GRM1: variants seen among roughly 807,000 people sequenced by gnomAD.
GRM1 encodes metabotropic glutamate receptor 1.
Under a neutral mutation model 90.9 loss-of-function variants are expected in GRM1, and 33 were observed. The observed-to-expected ratio is 0.36, with a 90% confidence interval of 0.28 to 0.49. GRM1 has a LOEUF of 0.49. Ranked by LOEUF, GRM1 falls within the 20% of genes least tolerant of loss-of-function variation. The pLI is 0.99. For synonymous variants in GRM1, 700 were observed against 613.2 expected (o/e 1.14, Z -2.09); for missense variants, 1,190 against 1,534.3 (o/e 0.78, Z 3.75).
At position 146,434,221 on chromosome 6, in the gene GRM1, C is replaced by T. The variant is rs780361421; in HGVS notation, c.3010C>T (p.Leu1004=). ...GACCGCAGAGGAGACCCCCCTCTTCCTGGCCGAACCAGCCCTCCCCAAGGG... is the reference window on the plus strand; with the variant it reads ...GACCGCAGAGGAGACCCCCCTCTTCTTGGCCGAACCAGCCCTCCCCAAGGG... ...HLTAEETPLF[L]AEPALPKGLP... The change falls in exon 8 of 8, where the codon CTG becomes TTG. Residue 1004 remains leucine, a synonymous_variant. Coordinates refer to ENST00000282753, the MANE Select transcript of GRM1 (RefSeq NM_001278064.2). 1.2e-6 allele frequency: 2 copies of T among 1,607,620 alleles called. No homozygotes were observed. The highest frequency in any genetic ancestry group is 1.7e-6 in the Non-Finnish European group (2 of 1,175,554).
chr6:146,297,699 G>A (rs1258167180), intron 2 of GRM1, among the ~76,000 whole-genome samples: 1 of 152,146 alleles, frequency 6.6e-6, no homozygotes, highest in Non-Finnish European at 1.5e-5. Context: ...CGTTTGAAAA[G>A]TCACAAATTG....
chr6:146,047,017 A>T (rs1277799969), intron 1 of GRM1, among the ~76,000 whole-genome samples: 1 of 152,008 alleles, frequency 6.6e-6, no homozygotes, highest in East Asian at 1.9e-4. Context: ...CAATAAAATC[A>T]TGTAAATCAG....
intron 2 of GRM1, among the ~76,000 whole-genome samples, chr6:146,237,990 C>A (rs1322317290): frequency 6.6e-6 from 1 of 152,102 alleles, no homozygotes; most frequent in African/African-American, 2.4e-5. Flanking sequence ...TGCAATGACC[C>A]CTGGTTACAA....
At chr6:146,271,136 C>A (rs1337430973) in intron 2 of GRM1, among the ~76,000 whole-genome samples, 2 of 151,772 alleles carry the variant, frequency 1.3e-5, no homozygotes, top group African/African-American at 4.8e-5. Context: ...TGCTGAGTAG[C>A]TGTGATTACT....
intron 1 of GRM1, among the ~76,000 whole-genome samples, chr6:146,152,690 A>G (rs1161324046): frequency 1.3e-5 from 2 of 152,184 alleles, no homozygotes; most frequent in Admixed American, 1.3e-4. Context: ...TGCCAGACAC[A>G]TAGTAAATTT....
Position 146,029,481 on chromosome 6 carries a change from A to C in GRM1, c.-37A>C. ...AGCCTGCAGCGGGACCAGCGTGGGA[A>C]CGCGGCTGGCAGGCTGTGGACCTCG... On this transcript the variant is annotated 5_prime_UTR_variant, in exon 1 of 8. Coordinates refer to ENST00000282753, the MANE Select transcript of GRM1 (RefSeq NM_001278064.2). 6.6e-7 allele frequency: 1 copy of C among 1,518,992 alleles called. No homozygotes were observed. Among genetic ancestry groups the C allele is most frequent in the Non-Finnish European group, 9.1e-7 (1 of 1,093,620 alleles). The allele number at this position is 1,518,992 out of a possible 1,614,324, so 94.1% of individuals were successfully genotyped here. A position where few individuals can be genotyped will look rare whatever the true frequency, so the allele number is the denominator to read the frequency against.
intron 2 of GRM1, among the ~76,000 whole-genome samples, chr6:146,205,995 C>T (rs746053671): frequency 2.0e-5 from 3 of 152,118 alleles, no homozygotes; most frequent in Admixed American, 2.0e-4. Context: ...GTTCTGGGAC[C>T]TTTAAACCTA....
At chr6:146,218,862 A>G (rs1187684037) in intron 2 of GRM1, among the ~76,000 whole-genome samples, 1 of 152,156 alleles carries the variant, frequency 6.6e-6, no homozygotes, top group Non-Finnish European at 1.5e-5. Context: ...ATTATAACAC[A>G]TCGTTGTGGA....
intron 2 of GRM1, among the ~76,000 whole-genome samples, chr6:146,210,333 A>C (rs926747253): frequency 6.6e-6 from 1 of 152,212 alleles, no homozygotes; most frequent in Non-Finnish European, 1.5e-5. Flanking sequence ...CCACAATGTT[A>C]CTGTAGTATT....
rs983242333 is a variant in GRM1, at chr6:146,210,480, A to G, written c.950+50883A>G. Among the ~76,000 whole-genome samples the G allele has an allele frequency of 5.3e-5, 8 of 152,308 alleles. No homozygotes were observed. The East Asian group carries it at 1.5e-3, about 29-fold the overall frequency. ...TTACCATACCACACAGTAGTAACACAGACAATTTAGTACGGGGAACAGAGT... is the reference window on the plus strand; with the variant it reads ...TTACCATACCACACAGTAGTAACACGGACAATTTAGTACGGGGAACAGAGT... On this transcript the variant is annotated intron_variant, in intron 2 of 7. Transcript: ENST00000282753.
chr6:146,227,406 C>T (rs569366524), intron 2 of GRM1, among the ~76,000 whole-genome samples: 5 of 152,264 alleles, frequency 3.3e-5, no homozygotes, highest in African/African-American at 9.6e-5. Flanking sequence ...TCTTGGTATA[C>T]AATCTATGTG....
intron 1 of GRM1, among the ~76,000 whole-genome samples, chr6:146,041,016 C>T (rs934524806): frequency 2.6e-4 from 40 of 151,786 alleles, no homozygotes; most frequent in African/African-American, 9.7e-4. Flanking sequence ...TCTGCTTCAT[C>T]AGTTCTGCTG....
intron 2 of GRM1, among the ~76,000 whole-genome samples, chr6:146,264,883 T>G (rs1172468706): frequency 1.1e-4 from 16 of 152,238 alleles, no homozygotes; most frequent in Admixed American, 1.0e-3. Context: ...TTTTTATGGC[T>G]GCATAATATT....
chr6:146,190,654 C>A (rs1459031628), intron 2 of GRM1, among the ~76,000 whole-genome samples: 2 of 152,070 alleles, frequency 1.3e-5, no homozygotes, highest in Non-Finnish European at 2.9e-5. Context: ...TAAGAAAAGA[C>A]AATTTTTGGT....
At chr6:146,070,021 T>C (rs1582957867) in intron 1 of GRM1, among the ~76,000 whole-genome samples, 1 of 152,154 alleles carries the variant, frequency 6.6e-6, no homozygotes, top group Non-Finnish European at 1.5e-5. Flanking sequence ...AAAAGTCTAA[T>C]AAAAATGTTT....
intron 2 of GRM1, among the ~76,000 whole-genome samples, chr6:146,247,724 C>T (rs1484538167): frequency 7.1e-6 from 1 of 140,668 alleles, no homozygotes; most frequent in East Asian, 2.1e-4. Context: ...GCTCCCTAGC[C>T]TGGGTGACAA....
chr6:146,209,861 G>T (rs1367645498), intron 2 of GRM1, among the ~76,000 whole-genome samples: 1 of 152,130 alleles, frequency 6.6e-6, no homozygotes, highest in Non-Finnish European at 1.5e-5. Context: ...AGATTGCAAG[G>T]AAAGCAGAGG....
intron 2 of GRM1, among the ~76,000 whole-genome samples, chr6:146,259,610 A>T (rs937932212): frequency 3.9e-5 from 6 of 152,064 alleles, no homozygotes; most frequent in African/African-American, 1.4e-4. Context: ...ATGTTCATTC[A>T]TGTTGTTTCA....
intron 1 of GRM1, among the ~76,000 whole-genome samples, chr6:146,092,397 A>T (rs922933848): frequency 2.0e-5 from 3 of 152,104 alleles, no homozygotes; most frequent in Non-Finnish European, 2.9e-5. Flanking sequence ...CACCTTTTGC[A>T]GGTATCTATT....
Sources: gnomAD v4.1 joint callset for allele counts (sites outside exome capture counted in the v4.1 genomes callset) on GRCh38, gnomAD v4.1.1 for gene constraint, MANE v1.5 for transcripts, NCBI Gene and HGNC (gene_info 2026-07-23, HGNC 2026-07-21) for gene names.